Variants in TOPAZ1 observed in about 807,000 individuals in gnomAD.
The protein encoded by TOPAZ1 is protein TOPAZ1.
TOPAZ1 carries 66 observed loss-of-function variants against 172.2 expected under a neutral mutation model. The ratio of observed to expected loss-of-function variants is 0.38; its 90% CI spans 0.31 to 0.47. TOPAZ1 has a LOEUF of 0.47. Among genes scored for constraint, TOPAZ1 ranks in the 20% least tolerant of loss-of-function variants. The probability of loss-of-function intolerance (pLI) is 0.99; values close to 1 mark genes in which losing one functional copy is unlikely to be tolerated. For missense variants in TOPAZ1, 1,822 were observed against 1,972.4 expected, an observed-to-expected ratio of 0.92 and a Z score of 1.44; for synonymous variants, 681 against 683.9, an observed-to-expected ratio of 1.00 and a Z score of 0.07.
At position 44,287,394 on chromosome 3, in the gene TOPAZ1, A is replaced by T; in HGVS notation, c.3442A>T (p.Ile1148Leu). ...ELCLLQRAVN[I>L]FMEYYRKFPP... ...ATATATATTTTCATTTTCAGTAAACATATTTATGGAGTACTACAGAAAGTT... is the reference window on the plus strand; with the variant it reads ...ATATATATTTTCATTTTCAGTAAACTTATTTATGGAGTACTACAGAAAGTT... The change falls in exon 10 of 20, where the codon ATA becomes TTA. Residue 1148 changes from isoleucine to leucine, a missense_variant. Ile to Leu is a conservative substitution (Grantham distance 5, BLOSUM62 2). Coordinates refer to ENST00000309765, the MANE Select transcript of TOPAZ1 (RefSeq NM_001145030.2). 1 of 1,450,396 alleles carries T rather than the reference A, an allele frequency of 6.9e-7. No homozygotes were observed. The allele number at this position is 1,450,396 out of a possible 1,614,324, so 89.8% of individuals were successfully genotyped here. A position where few individuals can be genotyped will look rare whatever the true frequency, so the allele number is the denominator to read the frequency against.
chr3:44,262,367 A>G (rs964399654), intron 4 of TOPAZ1, 52 bp from the exon 5 acceptor site: 1 of 930,884 alleles, frequency 1.1e-6, no homozygotes. Context: ...ATAGCTTAGT[A>G]TGTAATACAG....
At chr3:44,265,404 A>G (rs1019707034) in intron 5 of TOPAZ1, among the ~76,000 whole-genome samples, 5 of 152,188 alleles carry the variant, frequency 3.3e-5, no homozygotes, top group South Asian at 2.1e-4. Flanking sequence ...TAAAAATGCC[A>G]TAATTAGCCA....
At chr3:44,317,179 G>A (rs1344380504) in intron 16 of TOPAZ1, among the ~76,000 whole-genome samples, 2 of 152,204 alleles carry the variant, frequency 1.3e-5, no homozygotes, top group African/African-American at 4.8e-5. Context: ...CCAGCACTTT[G>A]GGAGGCCGAG....
intron 1 of TOPAZ1, 118 bp downstream of exon 1, chr3:44,242,517 AC>A: frequency 9.0e-7 from 1 of 1,112,884 alleles, no homozygotes; most frequent in Non-Finnish European, 1.3e-6. Context: ...CACATAGTTG[AC>A]CAGGAGATGG....
chr3:44,242,786 T>G, intron 1 of TOPAZ1, 67 bp from the exon 2 acceptor site: 1 of 1,254,016 alleles, frequency 8.0e-7, no homozygotes, highest in Non-Finnish European at 1.1e-6. Context: ...ATTTTTAATT[T>G]CAATGATAAT....
At chr3:44,307,151 T>G (rs529274260) in intron 15 of TOPAZ1, among the ~76,000 whole-genome samples, 1 of 152,120 alleles carries the variant, frequency 6.6e-6, no homozygotes, top group South Asian at 2.1e-4. Flanking sequence ...GCCTCCCAAG[T>G]AGCTGGGATT....
intron 9 of TOPAZ1, among the ~76,000 whole-genome samples, chr3:44,285,757 G>C (rs970795104): frequency 6.6e-6 from 1 of 151,636 alleles, no homozygotes; most frequent in East Asian, 2.0e-4. Context: ...TTTTAGCAGA[G>C]ACAAGGTCTC....
intron 14 of TOPAZ1, 126 bp downstream of exon 14, chr3:44,305,447 G>C (rs376970875): frequency 1.4e-6 from 1 of 715,266 alleles, no homozygotes; most frequent in Admixed American, 4.0e-5. Flanking sequence ...ATAGCTCACC[G>C]CAGCCTCGAA....
At chr3:44,249,660 C>T (rs1242097811) in intron 2 of TOPAZ1, among the ~76,000 whole-genome samples, 1 of 152,078 alleles carries the variant, frequency 6.6e-6, no homozygotes, top group African/African-American at 2.4e-5. Context: ...GTCTTATTTA[C>T]CTTCATTTGC....
chr3:44,264,476 C>T (rs944638616), intron 5 of TOPAZ1, among the ~76,000 whole-genome samples: 1 of 152,144 alleles, frequency 6.6e-6, no homozygotes, highest in African/African-American at 2.4e-5. Context: ...GTTTTTACAT[C>T]ATCTGAGCCT....
At chr3:44,256,037 C>A in intron 3 of TOPAZ1, 114 bp from the exon 4 acceptor site, 1 of 628,090 alleles carries the variant, frequency 1.6e-6, no homozygotes, top group Non-Finnish European at 2.5e-6. Flanking sequence ...TCATATTTGT[C>A]ACATTAGACC....
intron 9 of TOPAZ1, among the ~76,000 whole-genome samples, chr3:44,284,321 CTA>C (rs1208421987): frequency 6.6e-6 from 1 of 152,146 alleles, no homozygotes; most frequent in Non-Finnish European, 1.5e-5. Context: ...CTTTCTGGCT[CTA>C]TGAATTTGTC....
chr3:44,321,194 A>G lies in TOPAZ1; in HGVS notation c.4471+3A>G. ...ACCAGGTTTTCAAAATTCCCAAGGT[A>G]TGTTTTTTAAAAGTCTATCTTAATT... On this transcript the variant is annotated splice_donor_region_variant and intron_variant, in intron 17 of 19. Coordinates refer to ENST00000309765, the MANE Select transcript of TOPAZ1 (RefSeq NM_001145030.2). The G allele has an allele frequency of 6.5e-7, 1 of 1,536,468 alleles. No individual in the cohort carries two copies. Among genetic ancestry groups the G allele is most frequent in the Non-Finnish European group, 8.8e-7 (1 of 1,141,664 alleles).
intron 4 of TOPAZ1, among the ~76,000 whole-genome samples, chr3:44,257,470 G>T (rs1414761921): frequency 1.6e-3 from 3 of 1,838 alleles, no homozygotes; most frequent in Non-Finnish European, 2.2e-3. Context: ...TATATATATA[G>T]TGTGTGTGTG....
Position 44,242,333 on chromosome 3 carries a change from T to TCGTCAGACC in TOPAZ1, c.283_291dup (p.Ser95_Pro97dup), listed in dbSNP as rs574059386. On this transcript the variant is annotated inframe_insertion, in exon 1 of 20. Transcript: ENST00000309765. ...CAGGGGCCCGGTGAGCCCGTCAGAC[T>TCGTCAGACC]CGTCAGACCCGCGAGGCCTAGAAGC... is the stretch of plus-strand genomic sequence containing the variant. The TCGTCAGACC allele has an allele frequency of 8.3e-4, 1,282 of 1,552,160 alleles. 16 individuals are homozygous for TCGTCAGACC. The African/African-American group carries it at 0.015, about 18-fold the overall frequency.
chr3:44,246,604 G>T (rs369739505), intron 2 of TOPAZ1, among the ~76,000 whole-genome samples: 6 of 152,046 alleles, frequency 3.9e-5, no homozygotes, highest in South Asian at 2.1e-4. Context: ...TTTTGAAGAT[G>T]GAAAAAAATG....
At chr3:44,281,880 A>G (rs1700027041) in intron 8 of TOPAZ1, 88 bp from the exon 9 acceptor site, 1 of 784,970 alleles carries the variant, frequency 1.3e-6, no homozygotes, top group East Asian at 2.9e-5. Flanking sequence ...AAAAATTTCA[A>G]TATAAGCAAA....
intron 4 of TOPAZ1, among the ~76,000 whole-genome samples, chr3:44,257,352 G>GGGAT (rs1264696203): frequency 9.1e-6 from 1 of 110,386 alleles, no homozygotes; most frequent in African/African-American, 3.9e-5. Flanking sequence ...AAAACATAGG[G>GGGAT]GTGTGTGTGT....
chr3:44,259,770 T>C (rs573712448), intron 4 of TOPAZ1, among the ~76,000 whole-genome samples: 1 of 152,350 alleles, frequency 6.6e-6, no homozygotes, highest in Non-Finnish European at 1.5e-5. Flanking sequence ...ATCTGCTTAT[T>C]TTTATAAATG....
Sources: gnomAD v4.1 joint callset for allele counts (sites outside exome capture counted in the v4.1 genomes callset) on GRCh38, gnomAD v4.1.1 for gene constraint, MANE v1.5 for transcripts, NCBI Gene and HGNC (gene_info 2026-07-23, HGNC 2026-07-21) for gene names.